SGCG: variants seen among roughly 807,000 people sequenced by gnomAD.
SGCG encodes the protein gamma-sarcoglycan.
In SGCG, 26 loss-of-function variants were observed where a neutral mutation model predicts 29.3. The observed-to-expected ratio is 0.89, with a 90% CI of 0.65 to 1.23. The LOEUF (loss-of-function observed/expected upper bound fraction) is 1.23. SGCG is among the 50% of genes most tolerant of loss of function. The pLI, the probability that SGCG is intolerant of heterozygous loss-of-function variation, is 0.00. For missense variants in SGCG, 353 were observed against 356.0 expected (o/e 0.99, Z 0.07); for synonymous variants, 145 against 129.7 (o/e 1.12, Z -0.80).
intron 1 of SGCG, among the ~76,000 whole-genome samples, chr13:23,188,499 T>G (rs1410136931): frequency 3.8e-5 from 4 of 105,842 alleles, no homozygotes; most frequent in South Asian, 3.2e-4. Flanking sequence ...TTTTTTTTTT[T>G]TTTGGGACAG....
At chr13:23,216,241 C>T (rs7318907) in intron 2 of SGCG, among the ~76,000 whole-genome samples, 3,040 of 152,152 alleles carry the variant, frequency 0.02, 100 homozygotes, top group African/African-American at 0.069. Flanking sequence ...GTCTATACTA[C>T]GGGTGTATCT....
the SGCG span, among the ~76,000 whole-genome samples, chr13:23,161,949 C>T: frequency 6.6e-6 from 1 of 152,236 alleles, no homozygotes; most frequent in Non-Finnish European, 1.5e-5. Context: ...CGACTGTACT[C>T]TGTCAATCTT....
intron 6 of SGCG, among the ~76,000 whole-genome samples, chr13:23,311,864 C>A (rs1017121164): frequency 6.6e-6 from 1 of 152,160 alleles, no homozygotes; most frequent in Non-Finnish European, 1.5e-5. Context: ...AAACCCCCCA[C>A]CGTGACCCTT....
intron 1 of SGCG, among the ~76,000 whole-genome samples, chr13:23,191,462 T>C (rs2152727): frequency 0.31 from 46,501 of 152,086 alleles, 8,393 homozygotes; most frequent in Middle Eastern, 0.46. Flanking sequence ...CAAGACCAGA[T>C]GTCAAAACCA....
intron 6 of SGCG, among the ~76,000 whole-genome samples, chr13:23,302,354 A>T (rs1375373263): frequency 6.6e-6 from 1 of 151,982 alleles, no homozygotes; most frequent in Non-Finnish European, 1.5e-5. Context: ...AAAACAATTG[A>T]TCAAAACAGT....
rs186867655 is a variant in SGCG, at chr13:23,230,260, T to C, written c.196-4351T>C. Reference sequence around the variant, plus strand: ...TTTTGCTTAGGATTGTCTTGGCTAATTCGGGCTCTTTTCTTTTTGTTCCAT... The same window carrying C: ...TTTTGCTTAGGATTGTCTTGGCTAACTCGGGCTCTTTTCTTTTTGTTCCAT... On this transcript the variant is annotated intron_variant, in intron 2 of 7. Coordinates refer to ENST00000218867, the MANE Select transcript of SGCG (RefSeq NM_000231.3). Among the ~76,000 whole-genome samples the C allele has an allele frequency of 1.1e-4, 16 of 152,324 alleles. No homozygotes were observed. The East Asian group carries it at 3.1e-3, about 29-fold the overall frequency.
At chr13:23,240,392 C>G (rs1879462134) in intron 3 of SGCG, among the ~76,000 whole-genome samples, 1 of 152,170 alleles carries the variant, frequency 6.6e-6, no homozygotes, top group Non-Finnish European at 1.5e-5. Context: ...TTCAGCACCC[C>G]TCTCTCAATA....
At chr13:23,172,222 T>A in the SGCG span, among the ~76,000 whole-genome samples, 1 of 152,194 alleles carries the variant, frequency 6.6e-6, no homozygotes, top group Non-Finnish European at 1.5e-5. Context: ...ATATGTGGTT[T>A]TCTCTTTTCT....
intron 7 of SGCG, 134 bp downstream of exon 7, chr13:23,320,894 G>T: frequency 2.1e-6 from 2 of 943,070 alleles, no homozygotes; most frequent in Non-Finnish European, 3.3e-6. Flanking sequence ...AGTAGCAAAT[G>T]TACAAGGAAA....
chr13:23,203,593 A>G lies in SGCG; in HGVS notation c.1-102A>G, dbSNP rs1308523938. 6.1e-6 allele frequency: 5 copies of G among 813,194 alleles called. No individual in the cohort carries two copies. In the African/African-American group the frequency reaches 8.5e-5, roughly 14 times the overall value. The allele number at this position is 813,194 out of a possible 1,614,324, so 50.4% of individuals were successfully genotyped here. On this transcript the variant is annotated intron_variant, in intron 1 of 7. Coordinates refer to ENST00000218867, the MANE Select transcript of SGCG (RefSeq NM_000231.3). ...TTGGAAATCTATGACTGGGATGAAA[A>G]ATATGTTTTCAGGCTCATAGTAAAT... is the stretch of plus-strand genomic sequence containing the variant.
In SGCG at chr13:23,264,664, G is replaced by A. The variant is rs768182256; in HGVS notation, c.385+13947G>A. 9.2e-5 allele frequency among the ~76,000 whole-genome samples: 14 copies of A among 152,048 alleles called. No homozygotes were observed. The South Asian group carries it at 1.2e-3, about 14-fold the overall frequency. On this transcript the variant is annotated intron_variant, in intron 4 of 7. Transcript: ENST00000218867. ...ATAAATCTAAAAATATCACATTACCGGACTTCAAATTATACTACAAGGCTG... is the reference window on the plus strand; with the variant it reads ...ATAAATCTAAAAATATCACATTACCAGACTTCAAATTATACTACAAGGCTG...
At chr13:23,233,499 G>A (rs1275281276) in intron 2 of SGCG, among the ~76,000 whole-genome samples, 5 of 152,080 alleles carry the variant, frequency 3.3e-5, no homozygotes. Context: ...AAAGTAGAAC[G>A]GTGGTTGCCA....
chr13:23,297,457 A>G (rs1408758088), intron 6 of SGCG, among the ~76,000 whole-genome samples: 1 of 152,184 alleles, frequency 6.6e-6, no homozygotes, highest in East Asian at 1.9e-4. Flanking sequence ...GTTTCTATAG[A>G]TATTAGATTA....
the SGCG span, among the ~76,000 whole-genome samples, chr13:23,173,036 C>A: frequency 6.6e-6 from 1 of 152,044 alleles, no homozygotes; most frequent in Admixed American, 6.5e-5. Context: ...CTTTCTGAAC[C>A]AATTGAAAAA....
chr13:23,249,018 C>CTCAATTT (rs1879854211), intron 3 of SGCG, among the ~76,000 whole-genome samples: 1 of 149,220 alleles, frequency 6.7e-6, no homozygotes. Flanking sequence ...AAAAACAAAC[C>CTCAATTT]TCAATTTTCA....
At chr13:23,192,939 G>T (rs543338155) in intron 1 of SGCG, among the ~76,000 whole-genome samples, 15 of 152,270 alleles carry the variant, frequency 9.9e-5, no homozygotes, top group Admixed American at 9.2e-4. Context: ...CACCCTTCCT[G>T]TCTTCCTGGA....
chr13:23,263,302 A>G lies in SGCG; in HGVS notation c.385+12585A>G, dbSNP rs138780439. 1.4e-3 allele frequency among the ~76,000 whole-genome samples: 209 copies of G among 152,268 alleles called. 2 individuals are homozygous for G. Among genetic ancestry groups the G allele is most frequent in the African/African-American group, 4.9e-3 (204 of 41,580 alleles). ...TAGAAATGAAAATGGAGACAGTGCA[A>G]CTGACATCACAGAAATACTAAGGAT... On this transcript the variant is annotated intron_variant, in intron 4 of 7. Coordinates refer to ENST00000218867, the MANE Select transcript of SGCG (RefSeq NM_000231.3).
chr13:23,298,842 C>T (rs41415145), intron 6 of SGCG, among the ~76,000 whole-genome samples: 5,768 of 152,064 alleles, frequency 0.038, 382 homozygotes, highest in African/African-American at 0.13. Context: ...GAAAAAGAAA[C>T]GGCACAAGAG....
At chr13:23,263,002 G>C (rs1880502674) in intron 4 of SGCG, among the ~76,000 whole-genome samples, 1 of 151,978 alleles carries the variant, frequency 6.6e-6, no homozygotes, top group African/African-American at 2.4e-5. Flanking sequence ...TATAGCAAAA[G>C]CAGTACTAAG....
Sources: gnomAD v4.1 joint callset for allele counts (sites outside exome capture counted in the v4.1 genomes callset) on GRCh38, gnomAD v4.1.1 for gene constraint, MANE v1.5 for transcripts, NCBI Gene and HGNC (gene_info 2026-07-23, HGNC 2026-07-21) for gene names.